Variants in IL13 observed in about 807,000 individuals in gnomAD.
IL13 encodes the protein interleukin 13, also known as interleukin-13.
IL13 carries 9 observed loss-of-function variants against 11.1 expected under a neutral mutation model. The observed-to-expected ratio is 0.81, with a 90% CI of 0.49 to 1.42. The LOEUF is 1.42. Ranked by LOEUF, IL13 falls within the 40% of genes most tolerant of loss-of-function variation. The pLI, the probability that IL13 is intolerant of heterozygous loss-of-function variation, is 0.00. For missense variants in IL13, 181 were observed against 182.5 expected (o/e 0.99, Z 0.05); for synonymous variants, 75 against 76.9 (o/e 0.97, Z 0.13).
At position 132,660,310 on chromosome 5, in the gene IL13, G is replaced by C. The variant is rs1182907294; in HGVS notation, c.*28G>C. 6.2e-7 allele frequency: 1 copy of C among 1,606,658 alleles called. No individual in the cohort carries two copies. The highest frequency in any genetic ancestry group is 2.2e-5 in the East Asian group (1 of 44,838). ...CTTCGAAAGCATCATTATTTGCAGA[G>C]ACAGGACCTGACTATTGAAGTTGCA... On this transcript the variant is annotated 3_prime_UTR_variant, in exon 4 of 4. Coordinates refer to ENST00000304506, the MANE Select transcript of IL13 (RefSeq NM_002188.3).
chr5:132,660,152 G>T (rs776578550), intron 3 of IL13, 23 bp from the exon 4 acceptor site: 2 of 1,611,226 alleles, frequency 1.2e-6, no homozygotes, highest in Non-Finnish European at 8.5e-7. Context: ...TTCTACTCAT[G>T]TGCTGACCTC....
rs56318025 is a variant in IL13, at chr5:132,660,325, T to C, written c.*43T>C. On this transcript the variant is annotated 3_prime_UTR_variant, in exon 4 of 4. Transcript: ENST00000304506. ...TATTTGCAGAGACAGGACCTGACTA[T>C]TGAAGTTGCAGATTCATTTTTCTTT... 2.5e-6 allele frequency: 4 copies of C among 1,600,254 alleles called. No individual in the cohort carries two copies. Among genetic ancestry groups the C allele is most frequent in the Admixed American group, 1.7e-5 (1 of 57,864 alleles).
rs1453792616 is a variant in IL13 at position 132,659,857 on chromosome 5, A to C, written c.333+29A>C. 6.2e-7 allele frequency: 1 copy of C among 1,606,876 alleles called. No homozygotes were observed. Among genetic ancestry groups the C allele is most frequent in the African/African-American group, 1.3e-5 (1 of 74,480 alleles). On this transcript the variant is annotated intron_variant, in intron 3 of 3. Coordinates refer to ENST00000304506, the MANE Select transcript of IL13 (RefSeq NM_002188.3). The surrounding 1 kb of genome is among the most constrained non-coding windows in gnomAD (Gnocchi z 4.1). ...AGGCATCCCCCACCCTCTCACACCC[A>C]CCCTGCACCCCCTCCTGCCAACCCT...
Position 132,659,935 on chromosome 5 carries a change from G to A in IL13, c.333+107G>A. On this transcript the variant is annotated intron_variant, in intron 3 of 3. Coordinates refer to ENST00000304506, the MANE Select transcript of IL13 (RefSeq NM_002188.3). The surrounding 1 kb of genome is among the most constrained non-coding windows in gnomAD (Gnocchi z 4.1). ...TATCCATGGTGTGTGTCCACCCAGG[G>A]GTGGGGCCATTGTGGCAGCAGGGAC... The A allele has an allele frequency of 6.7e-7, 1 of 1,503,602 alleles. No individual in the cohort carries two copies. Among genetic ancestry groups the A allele is most frequent in the East Asian group, 2.4e-5 (1 of 40,950 alleles). 93.1% of individuals were successfully genotyped at this position (1,503,602 alleles called of 1,614,324 possible).
At chr5:132,658,567 C>A (rs538901488) in intron 1 of IL13, 7 of 484,066 alleles carry the variant, frequency 1.4e-5, no homozygotes, top group African/African-American at 1.2e-4. Flanking sequence ...AGGTGTCTGG[C>A]AGACTCCCCA....
At chr5:132,658,036 C>G (rs1056293052), upstream of IL13, 4 of 554,076 alleles carry the variant, frequency 7.2e-6, no homozygotes, top group Admixed American at 1.0e-4. Context: ...TTCCTTTATG[C>G]GACACTGGAT....
At position 132,659,100 on chromosome 5, in the gene IL13, C is replaced by A. The variant is rs748664591; in HGVS notation, c.175-318C>A. 1 of 362,970 alleles carries A rather than the reference C, an allele frequency of 2.8e-6. No homozygotes were observed. The highest frequency in any genetic ancestry group is 5.3e-6 in the Non-Finnish European group (1 of 189,064). 22.5% of individuals were successfully genotyped at this position (362,970 alleles called of 1,614,324 possible). Reference sequence around the variant, plus strand: ...TGGCCCAGGCCACTCCTACTTCACTCGTCCCCACCCTGGCCCTTCCCGCAG... The same window carrying A: ...TGGCCCAGGCCACTCCTACTTCACTAGTCCCCACCCTGGCCCTTCCCGCAG... On this transcript the variant is annotated intron_variant, in intron 1 of 3. Transcript: ENST00000304506. This position sits in a 1 kb window ranked among gnomAD's most constrained non-coding sequence, Gnocchi z 4.1.
At chr5:132,657,071 T>A (rs1168885123), upstream of IL13, 1 of 154,650 alleles carries the variant, frequency 6.5e-6, no homozygotes, top group Non-Finnish European at 1.4e-5. Context: ...AACAGGCAAA[T>A]GCCGTGGCCT....
In IL13 at chr5:132,658,373, TAGCC is replaced by T; in HGVS notation, c.174+16_174+19del. The T allele has an allele frequency of 3.2e-6, 5 of 1,571,288 alleles. No homozygotes were observed. Among genetic ancestry groups the T allele is most frequent in the Non-Finnish European group, 2.6e-6 (3 of 1,145,174 alleles). On this transcript the variant is annotated intron_variant, in intron 1 of 3. Coordinates refer to ENST00000304506, the MANE Select transcript of IL13 (RefSeq NM_002188.3). ...CCAGAACCAGAAGGTGAGTGTCGGC[TAGCC>T]AGGGTCCTAGCTATGAGGGCTCCAG...
rs1461522682 is a variant in IL13 at position 132,659,965 on chromosome 5, C to T, written c.333+137C>T. ...GGCCATTGTGGCAGCAGGGACGTGGCCTTCGGGATTTACAGGATCTGGGCT... is the reference window on the plus strand; with the variant it reads ...GGCCATTGTGGCAGCAGGGACGTGGTCTTCGGGATTTACAGGATCTGGGCT... On this transcript the variant is annotated intron_variant, in intron 3 of 3. Transcript: ENST00000304506. The surrounding 1 kb of genome is among the most constrained non-coding windows in gnomAD (Gnocchi z 4.1). The T allele has an allele frequency of 1.4e-6, 2 of 1,455,394 alleles. No individual in the cohort carries two copies. The highest frequency in any genetic ancestry group is 1.8e-6 in the Non-Finnish European group (2 of 1,096,814). The allele number at this position is 1,455,394 out of a possible 1,614,324, so 90.2% of individuals were successfully genotyped here. A position where few individuals can be genotyped will look rare whatever the true frequency, so the allele number is the denominator to read the frequency against.
rs747799114 is a variant in IL13, at chr5:132,659,685, C to T, written c.229-39C>T. Reference sequence around the variant, plus strand: ...CTGCAGACTCACAAAAGGCAGCTGCCCAAGCAGGGCCTGACCCCTCGGTGT... The same window carrying T: ...CTGCAGACTCACAAAAGGCAGCTGCTCAAGCAGGGCCTGACCCCTCGGTGT... On this transcript the variant is annotated intron_variant, in intron 2 of 3. Transcript: ENST00000304506. This position sits in a 1 kb window ranked among gnomAD's most constrained non-coding sequence, Gnocchi z 4.1. The T allele has an allele frequency of 1.2e-6, 2 of 1,606,036 alleles. No individual in the cohort carries two copies. Among genetic ancestry groups the T allele is most frequent in the Admixed American group, 1.7e-5 (1 of 59,782 alleles).
At position 132,659,365 on chromosome 5, in the gene IL13, G is replaced by T; in HGVS notation, c.175-53G>T. ...GGCAGACCTGGCCTGGGCTGCCAGGGCAGGCCCACAACCCCTGCCAGCACT... is the reference window on the plus strand; with the variant it reads ...GGCAGACCTGGCCTGGGCTGCCAGGTCAGGCCCACAACCCCTGCCAGCACT... On this transcript the variant is annotated intron_variant, in intron 1 of 3. Transcript: ENST00000304506. The surrounding 1 kb of genome is among the most constrained non-coding windows in gnomAD (Gnocchi z 4.1). 1.4e-6 allele frequency: 2 copies of T among 1,381,844 alleles called. No individual in the cohort carries two copies. The highest frequency in any genetic ancestry group is 2.0e-6 in the Non-Finnish European group (2 of 985,032). The allele number at this position is 1,381,844 out of a possible 1,614,324, so 85.6% of individuals were successfully genotyped here.
At position 132,659,455 on chromosome 5, in the gene IL13, A is replaced by C. The variant is rs765719901; in HGVS notation, c.212A>C (p.Asn71Thr). 6.2e-7 allele frequency: 1 copy of C among 1,612,084 alleles called. No individual in the cohort carries two copies. Among genetic ancestry groups the C allele is most frequent in the South Asian group, 1.1e-5 (1 of 90,572 alleles). ...AATGGCAGCATGGTATGGAGCATCAACCTGACAGCTGGCATGGTAAGGACC... is the reference window on the plus strand; with the variant it reads ...AATGGCAGCATGGTATGGAGCATCACCCTGACAGCTGGCATGGTAAGGACC... Reference protein sequence around the residue: ...LCNGSMVWSINLTAGMYCAAL... With the variant: ...LCNGSMVWSITLTAGMYCAAL... The change falls in exon 2 of 4, where the codon AAC (asparagine) becomes ACC (threonine). Residue 71 changes from asparagine (N) to threonine (T), a missense_variant. Asn to Thr is a moderately conservative substitution (Grantham distance 65). Transcript: ENST00000304506. The surrounding 1 kb of genome is among the most constrained non-coding windows in gnomAD (Gnocchi z 4.1).
chr5:132,657,110 A>G (rs557011098), upstream of IL13: 36 of 156,180 alleles, frequency 2.3e-4, no homozygotes, highest in South Asian at 6.2e-4. Context: ...GAGGACTTCT[A>G]GGAAAACGAG....
chr5:132,659,553 TG>T lies in IL13; in HGVS notation c.228+86del. 2 of 1,560,656 alleles carry T rather than the reference TG, an allele frequency of 1.3e-6. No individual in the cohort carries two copies. The highest frequency in any genetic ancestry group is 1.8e-6 in the Non-Finnish European group (2 of 1,142,474). The stretch of plus-strand genomic sequence containing the variant: ...CTTCTCTGAGCCTCCCTTCCATGGC[TG>T]GGGTTCCAAGCAAGCTTCAAGTGCT... On this transcript the variant is annotated intron_variant, in intron 2 of 3. Transcript: ENST00000304506. This position sits in a 1 kb window ranked among gnomAD's most constrained non-coding sequence, Gnocchi z 4.1.
chr5:132,658,525 T>TG (rs1011100276), intron 1 of IL13, 165 bp downstream of exon 1: 6 of 572,214 alleles, frequency 1.0e-5, no homozygotes, highest in African/African-American at 3.8e-5. Context: ...GGAGCTGGGC[T>TG]GGGGGGCTCA....
In IL13 at chr5:132,659,418, G is replaced by C; in HGVS notation, c.175G>C (p.Ala59Pro). ...ELVNITQNQK[A>P]PLCNGSMVWS... ...GCTCACTGTCACTTTGCTCCCACAG[G>C]CTCCGCTCTGCAATGGCAGCATGGT... The change falls in exon 2 of 4, where the codon GCT becomes CCT. Residue 59 changes from alanine (A) to proline (P), a missense_variant and splice_region_variant. By Grantham distance (27) the Ala-to-Pro change is conservative. Transcript: ENST00000304506. The surrounding 1 kb of genome is among the most constrained non-coding windows in gnomAD (Gnocchi z 4.1). 1 of 1,607,406 alleles carries C rather than the reference G, an allele frequency of 6.2e-7. No individual in the cohort carries two copies. The highest frequency in any genetic ancestry group is 1.3e-5 in the African/African-American group (1 of 75,004).
At position 132,659,603 on chromosome 5, in the gene IL13, G is replaced by A; in HGVS notation, c.229-121G>A. Reference sequence around the variant, plus strand: ...CTCTCCTCCCTCCCGCCATAATCTGGCCCCTTCCCGCCCACCACCCAGACT... The same window carrying A: ...CTCTCCTCCCTCCCGCCATAATCTGACCCCTTCCCGCCCACCACCCAGACT... On this transcript the variant is annotated intron_variant, in intron 2 of 3. Coordinates refer to ENST00000304506, the MANE Select transcript of IL13 (RefSeq NM_002188.3). The surrounding 1 kb of genome is among the most constrained non-coding windows in gnomAD (Gnocchi z 4.1). The A allele has an allele frequency of 3.1e-6, 5 of 1,588,726 alleles. No individual in the cohort carries two copies. The highest frequency in any genetic ancestry group is 1.1e-5 in the South Asian group (1 of 88,734).
Position 132,659,241 on chromosome 5 carries a change from T to C in IL13, c.175-177T>C, listed in dbSNP as rs1752099115. ...CCTAAACAGTGGGACCTCACCCCTATGCCTGCTGTTCAAAGCAGAAAACGA... is the reference window on the plus strand; with the variant it reads ...CCTAAACAGTGGGACCTCACCCCTACGCCTGCTGTTCAAAGCAGAAAACGA... On this transcript the variant is annotated intron_variant, in intron 1 of 3. Coordinates refer to ENST00000304506, the MANE Select transcript of IL13 (RefSeq NM_002188.3). This position sits in a 1 kb window ranked among gnomAD's most constrained non-coding sequence, Gnocchi z 4.1. 1.6e-6 allele frequency: 1 copy of C among 624,234 alleles called. No homozygotes were observed. The highest frequency in any genetic ancestry group is 1.8e-5 in the African/African-American group (1 of 54,676). 38.7% of individuals were successfully genotyped at this position (624,234 alleles called of 1,614,324 possible).
Sources: gnomAD v4.1 joint callset for allele counts on GRCh38, gnomAD v4.1.1 for gene constraint, Gnocchi (gnomAD v3.1) non-coding constraint, MANE v1.5 for transcripts, NCBI Gene and HGNC (gene_info 2026-07-23, HGNC 2026-07-21) for gene names.